GALNT11: variants seen among roughly 807,000 people sequenced by gnomAD.
GALNT11 encodes UDP-GalNAc:polypeptide N-acetylgalactosaminyltransferase 11.
A neutral mutation model predicts 72.7 loss-of-function variants in GALNT11; 47 were observed. The ratio of observed to expected loss-of-function variants is 0.65; its 90% CI spans 0.51 to 0.82. The LOEUF is 0.82. GALNT11 is among the 40% of genes least tolerant of loss of function. The pLI, the probability that GALNT11 is intolerant of heterozygous loss-of-function variation, is 0.00. For synonymous variants in GALNT11, 270 were observed against 286.6 expected (o/e 0.94, Z 0.58); for missense variants, 677 against 778.4 (o/e 0.87, Z 1.55).
chr7:152,089,414 G>A (rs572128396), intron 1 of GALNT11, among the ~76,000 whole-genome samples: 38 of 152,342 alleles, frequency 2.5e-4, no homozygotes, highest in South Asian at 6.2e-4. Flanking sequence ...GCTCATCGCA[G>A]TTGGAACAAT....
At chr7:152,043,275 C>T (rs1330150382) in intron 1 of GALNT11, among the ~76,000 whole-genome samples, 1 of 152,214 alleles carries the variant, frequency 6.6e-6, no homozygotes, top group African/African-American at 2.4e-5. Context: ...GTAATCCTGT[C>T]ATCCCCGCTG....
chr7:152,083,361 T>C (rs2085430131), intron 1 of GALNT11, among the ~76,000 whole-genome samples: 2 of 152,292 alleles, frequency 1.3e-5, no homozygotes, highest in African/African-American at 4.8e-5. Context: ...GACTCTGTTG[T>C]TTTTCCTTAT....
At chr7:152,056,489 C>G (rs2083685217) in intron 1 of GALNT11, among the ~76,000 whole-genome samples, 1 of 152,196 alleles carries the variant, frequency 6.6e-6, no homozygotes, top group Non-Finnish European at 1.5e-5. Flanking sequence ...GAGACTACAA[C>G]TTAACCACTG....
chr7:152,117,500 GC>G (rs1377268594), intron 9 of GALNT11, 125 bp downstream of exon 9: 2 of 914,074 alleles, frequency 2.2e-6, no homozygotes, highest in Non-Finnish European at 3.4e-6. Context: ...GCTTCAGCTT[GC>G]CTTTCATTAT....
intron 1 of GALNT11, among the ~76,000 whole-genome samples, chr7:152,081,107 T>A (rs1322681654): frequency 6.6e-6 from 1 of 152,236 alleles, no homozygotes; most frequent in Non-Finnish European, 1.5e-5. Flanking sequence ...CATTAAATCA[T>A]TCAGAAATGA....
At chr7:152,121,269 C>T (rs2089408423) in intron 11 of GALNT11, among the ~76,000 whole-genome samples, 1 of 152,226 alleles carries the variant, frequency 6.6e-6, no homozygotes, top group Non-Finnish European at 1.5e-5. Context: ...GTAATCCCAG[C>T]ACTGAGAAGG....
intron 2 of GALNT11, among the ~76,000 whole-genome samples, chr7:152,096,180 T>C (rs1390959525): frequency 6.6e-6 from 1 of 152,192 alleles, no homozygotes; most frequent in Non-Finnish European, 1.5e-5. Context: ...TAAATACTGT[T>C]AAGATGTAGG....
chr7:152,113,030 T>A (rs2088413791), intron 7 of GALNT11, among the ~76,000 whole-genome samples: 1 of 152,346 alleles, frequency 6.6e-6, no homozygotes, highest in Non-Finnish European at 1.5e-5. Flanking sequence ...TAGCATTGTT[T>A]TAGCATTTAG....
intron 8 of GALNT11, 108 bp from the exon 9 acceptor site, chr7:152,117,041 ACATGTTAT>A (rs1247171691): frequency 2.6e-5 from 23 of 870,606 alleles, no homozygotes; most frequent in South Asian, 7.5e-5. Flanking sequence ...AGTTTAAGGT[ACATGTTAT>A]TATCATTGTT....
At chr7:152,049,204 T>C (rs944968113) in intron 1 of GALNT11, among the ~76,000 whole-genome samples, 10 of 152,184 alleles carry the variant, frequency 6.6e-5, no homozygotes, top group African/African-American at 1.9e-4. Flanking sequence ...TTCCTAGGCA[T>C]TGAAGAGTTA....
chr7:152,026,523 G>A (rs920637556), intron 1 of GALNT11, among the ~76,000 whole-genome samples: 5 of 152,198 alleles, frequency 3.3e-5, no homozygotes, highest in African/African-American at 7.2e-5. Flanking sequence ...GCTTGTCTTC[G>A]CAGGTGAGGA....
chr7:152,034,022 C>T (rs576842832), intron 1 of GALNT11, among the ~76,000 whole-genome samples: 1 of 152,250 alleles, frequency 6.6e-6, no homozygotes, highest in East Asian at 1.9e-4. Flanking sequence ...GAAAACTTAC[C>T]CAGGTCTGCC....
intron 1 of GALNT11, among the ~76,000 whole-genome samples, chr7:152,048,973 T>C (rs2083272044): frequency 6.6e-6 from 1 of 151,798 alleles, no homozygotes; most frequent in South Asian, 2.1e-4. Context: ...ACTTGATTCT[T>C]AATTATTTCA....
At chr7:152,045,744 T>A (rs868140093) in intron 1 of GALNT11, among the ~76,000 whole-genome samples, 2 of 152,064 alleles carry the variant, frequency 1.3e-5, no homozygotes, top group South Asian at 2.1e-4. Flanking sequence ...TTTGTTTTGT[T>A]GATCTTTTGT....
chr7:152,105,054 C>T (rs1293899096), intron 4 of GALNT11, among the ~76,000 whole-genome samples, 191 bp from the exon 5 acceptor site: 2 of 152,192 alleles, frequency 1.3e-5, no homozygotes, highest in East Asian at 1.9e-4. Flanking sequence ...AGTATTCCAG[C>T]TCTTACCCTT....
intron 1 of GALNT11, among the ~76,000 whole-genome samples, chr7:152,069,997 C>CTTTTTTTTTTTTTTTTTTTTTTTTTT (rs879494057): frequency 1.4e-5 from 2 of 143,482 alleles, no homozygotes; most frequent in South Asian, 2.2e-4. Flanking sequence ...TTTTCTTTTT[C>CTTTTTTTTTTTTTTTTTTTTTTTTTT]TTTTTCTTTT....
At chr7:152,096,753 G>T (rs2086413015) in intron 2 of GALNT11, among the ~76,000 whole-genome samples, 1 of 150,138 alleles carries the variant, frequency 6.7e-6, no homozygotes, top group Admixed American at 6.6e-5. Context: ...ACAACCCACA[G>T]AATGGGAGAA....
intron 1 of GALNT11, among the ~76,000 whole-genome samples, chr7:152,063,078 G>T (rs1396750332): frequency 6.6e-6 from 1 of 152,192 alleles, no homozygotes; most frequent in African/African-American, 2.4e-5. Context: ...GAATTCAACT[G>T]TGAATCCATC....
At chr7:152,082,313 C>T (rs966329241) in intron 1 of GALNT11, among the ~76,000 whole-genome samples, 7 of 152,130 alleles carry the variant, frequency 4.6e-5, no homozygotes, top group East Asian at 1.9e-4. Context: ...GAGAGTACAC[C>T]GAACAAAGGA....
Sources: gnomAD v4.1 joint callset for allele counts (sites outside exome capture counted in the v4.1 genomes callset) on GRCh38, gnomAD v4.1.1 for gene constraint, MANE v1.5 for transcripts, NCBI Gene and HGNC (gene_info 2026-07-23, HGNC 2026-07-21) for gene names.